The following SPATA31H1 variants were observed in gnomAD, a reference collection of about 807,000 sequenced individuals.
SPATA31H1 encodes the protein SPATA31 subfamily H member 1.
At chr2:27,566,265 A>C in the SPATA31H1 span, 3 of 713,954 alleles carry the variant, frequency 4.2e-6, no homozygotes, top group Non-Finnish European at 7.8e-6. Context: ...CTTCAATTAC[A>C]TTGACATACA....
At chr2:27,573,509 T>C in the SPATA31H1 span, 1 of 398,528 alleles carries the variant, frequency 2.5e-6, no homozygotes, top group Non-Finnish European at 4.4e-6. Flanking sequence ...GTATACAACC[T>C]TTGACATCAC....
At chr2:27,573,998 C>T in the SPATA31H1 span, 18 of 398,278 alleles carry the variant, frequency 4.5e-5, no homozygotes, top group Admixed American at 7.5e-4. Context: ...AGACAAAGTC[C>T]CAAGACATGA....
chr2:27,575,762 G>A, the SPATA31H1 span: 1 of 398,422 alleles, frequency 2.5e-6, no homozygotes, highest in Non-Finnish European at 4.4e-6. This position sits in a 1 kb window ranked among gnomAD's most constrained non-coding sequence, Gnocchi z 4.1. Context: ...GTTCTAATGG[G>A]TGCATCCCTG....
chr2:27,581,270 TCGCAGTCCCTCTGAGAGAAGCCAA>T, the SPATA31H1 span: 1 of 1,614,172 alleles, frequency 6.2e-7, no homozygotes, highest in Non-Finnish European at 8.5e-7. Flanking sequence ...GGAGAAACCA[TCGCAGTCCCTCTGAGAGAAGCCAA>T]CGCAGTTCCT....
At chr2:27,581,603 C>T in the SPATA31H1 span, 11 of 1,591,576 alleles carry the variant, frequency 6.9e-6, no homozygotes, top group South Asian at 2.3e-5. Flanking sequence ...CCCAGAGGAG[C>T]CATCGCGGTC....
the SPATA31H1 span, chr2:27,568,466 T>C: frequency 1.3e-5 from 5 of 398,922 alleles, no homozygotes; most frequent in Admixed American, 4.4e-5. Flanking sequence ...TCATGGGTTA[T>C]GTGAAAGGAA....
the SPATA31H1 span, among the ~76,000 whole-genome samples, chr2:27,551,333 C>G: frequency 1.3e-5 from 2 of 151,984 alleles, no homozygotes; most frequent in African/African-American, 4.8e-5. Flanking sequence ...ATCCCTGCCT[C>G]CTAACATAGG....
the SPATA31H1 span, among the ~76,000 whole-genome samples, chr2:27,560,267 T>C: frequency 2.6e-5 from 4 of 152,182 alleles, no homozygotes; most frequent in Non-Finnish European, 1.5e-5. Context: ...CTTGTCCTTA[T>C]TTTTTAATAG....
the SPATA31H1 span, among the ~76,000 whole-genome samples, chr2:27,562,841 C>T: frequency 4.6e-5 from 7 of 150,562 alleles, no homozygotes; most frequent in South Asian, 2.1e-4. Flanking sequence ...GAGCTGAGAT[C>T]GCGCCACTGC....
At chr2:27,577,232 CT>C in the SPATA31H1 span, 1 of 1,613,834 alleles carries the variant, frequency 6.2e-7, no homozygotes, top group African/African-American at 1.3e-5. This position sits in a 1 kb window ranked among gnomAD's most constrained non-coding sequence, Gnocchi z 4.5. Context: ...GCTCAAAATT[CT>C]TAGGATTAAC....
chr2:27,559,842 T>C, the SPATA31H1 span, among the ~76,000 whole-genome samples: 3 of 152,106 alleles, frequency 2.0e-5, no homozygotes, highest in African/African-American at 7.2e-5. Context: ...CTTACAAATT[T>C]ATACTTGTAT....
At chr2:27,568,660 C>T in the SPATA31H1 span, 45 of 398,956 alleles carry the variant, frequency 1.1e-4, no homozygotes, top group South Asian at 5.1e-4. Flanking sequence ...AGACCACCAA[C>T]GGAAGATACA....
the SPATA31H1 span, among the ~76,000 whole-genome samples, chr2:27,560,059 G>T: frequency 1.3e-5 from 2 of 151,450 alleles, no homozygotes; most frequent in Admixed American, 6.6e-5. Context: ...GTAGAGATGG[G>T]GTTTCACCAT....
the SPATA31H1 span, chr2:27,582,232 G>T: frequency 6.2e-7 from 1 of 1,614,188 alleles, no homozygotes; most frequent in Non-Finnish European, 8.5e-7. Context: ...AGCCATCGCA[G>T]TCCCTCCGGG....
chr2:27,544,204 T>C, the SPATA31H1 span, among the ~76,000 whole-genome samples: 1 of 152,218 alleles, frequency 6.6e-6, no homozygotes, highest in East Asian at 1.9e-4. Flanking sequence ...CAAATACATT[T>C]TTATTAAGGT....
At chr2:27,564,105 G>GA in the SPATA31H1 span, among the ~76,000 whole-genome samples, 1 of 152,248 alleles carries the variant, frequency 6.6e-6, no homozygotes, top group East Asian at 1.9e-4. Context: ...ACTCCACTTT[G>GA]ATTTTCAATT....
chr2:27,579,074 A>G, the SPATA31H1 span: 3 of 1,614,216 alleles, frequency 1.9e-6, no homozygotes, highest in East Asian at 2.2e-5. Context: ...TGGAGGAGCT[A>G]GAGAACTCAC....
At chr2:27,538,817 C>T in the SPATA31H1 span, among the ~76,000 whole-genome samples, 1 of 151,374 alleles carries the variant, frequency 6.6e-6, no homozygotes, top group Non-Finnish European at 1.5e-5. Context: ...GGTGACAGAG[C>T]GAGACTCTGT....
the SPATA31H1 span, chr2:27,567,157 A>G: frequency 1.5e-6 from 1 of 674,470 alleles, no homozygotes; most frequent in Non-Finnish European, 2.7e-6. Context: ...AGGAAAAAAA[A>G]TGATGAGAGA....
Sources: gnomAD v4.1 joint callset for allele counts (sites outside exome capture counted in the v4.1 genomes callset) on GRCh38, gnomAD v4.1.1 for gene constraint, Gnocchi (gnomAD v3.1) non-coding constraint, MANE v1.5 for transcripts, NCBI Gene and HGNC (gene_info 2026-07-23, HGNC 2026-07-21) for gene names.